Variants in BAZ1A observed in about 807,000 individuals in gnomAD.
The protein encoded by BAZ1A is bromodomain adjacent to zinc finger domain 1A.
Under a neutral mutation model 185.2 loss-of-function variants are expected in BAZ1A, and 50 were observed. The observed-to-expected ratio is 0.27, with a 90% CI of 0.22 to 0.34. The LOEUF is 0.34. Among genes scored for constraint, BAZ1A ranks in the 10% least tolerant of loss-of-function variants. The probability of loss-of-function intolerance (pLI) is 1.00; values close to 1 mark genes in which losing one functional copy is unlikely to be tolerated. For synonymous variants in BAZ1A, 571 were observed against 615.6 expected (o/e 0.93, Z 1.07); for missense variants, 1,356 against 1,839.9 (o/e 0.74, Z 4.81).
At chr14:34,759,215 C>T (rs1242231301) in intron 24 of BAZ1A, among the ~76,000 whole-genome samples, 1 of 98,688 alleles carries the variant, frequency 1.0e-5, no homozygotes, top group Non-Finnish European at 1.8e-5. Flanking sequence ...GAGTCTCGCT[C>T]TGTCACCCAG....
At chr14:34,774,986 G>A (rs1481083309) in intron 18 of BAZ1A, among the ~76,000 whole-genome samples, 6 of 152,126 alleles carry the variant, frequency 3.9e-5, no homozygotes, top group African/African-American at 1.2e-4. Context: ...AGACCAAGGC[G>A]GGTGGATTAC....
At chr14:34,781,777 G>C (rs927449135) in intron 16 of BAZ1A, among the ~76,000 whole-genome samples, 1 of 152,194 alleles carries the variant, frequency 6.6e-6, no homozygotes, top group Non-Finnish European at 1.5e-5. Context: ...GATTACAGGC[G>C]TGAGCCACCG....
At chr14:34,806,286 C>G (rs1435940517) in intron 6 of BAZ1A, among the ~76,000 whole-genome samples, 1 of 152,082 alleles carries the variant, frequency 6.6e-6, no homozygotes, top group Non-Finnish European at 1.5e-5. Flanking sequence ...TCTCTCTAAC[C>G]CATGCTACTG....
At chr14:34,807,400 C>T (rs1312348851) in intron 6 of BAZ1A, 51 bp downstream of exon 6, 7 of 1,309,470 alleles carry the variant, frequency 5.3e-6, no homozygotes, top group South Asian at 1.3e-5. Flanking sequence ...CTTTATAACA[C>T]TACCCATTTT....
At chr14:34,784,824 A>C (rs1880327489) in intron 14 of BAZ1A, among the ~76,000 whole-genome samples, 1 of 150,316 alleles carries the variant, frequency 6.7e-6, no homozygotes, top group Non-Finnish European at 1.5e-5. Flanking sequence ...GGCCAAAAAA[A>C]AATATGGAAC....
rs1242107099 is a variant in BAZ1A, at chr14:34,756,496, CAG to C, written c.4387-1584_4387-1583del. Among the ~76,000 whole-genome samples, 642 of 94,070 alleles carry C rather than the reference CAG, an allele frequency of 6.8e-3. 13 individuals carry two copies. The highest frequency in any genetic ancestry group is 0.026 in the African/African-American group (620 of 23,656). The allele number at this position is 94,070 out of a possible 152,430, so 61.7% of individuals were successfully genotyped here. On this transcript the variant is annotated intron_variant, in intron 25 of 26. Coordinates refer to ENST00000360310, the MANE Select transcript of BAZ1A (RefSeq NM_013448.3). ...TTTTTTTTTTTTTTTTTTTTTGAGA[CAG>C]AGTCTTGCCTAGGCTGGGGTGCAAT...
chr14:34,845,858 T>TC (rs2042502090), intron 3 of BAZ1A, among the ~76,000 whole-genome samples: 1 of 62,742 alleles, frequency 1.6e-5, no homozygotes, highest in African/African-American at 6.3e-5. Context: ...AGACTCTGTC[T>TC]CAAAAAAAAA....
At chr14:34,772,231 G>A (rs1315496957) in intron 20 of BAZ1A, among the ~76,000 whole-genome samples, 1 of 152,100 alleles carries the variant, frequency 6.6e-6, no homozygotes, top group Non-Finnish European at 1.5e-5. Flanking sequence ...TGGGATTACA[G>A]GTGTCAGCCA....
At chr14:34,768,886 ATCC>A (rs1879031535) in intron 21 of BAZ1A, 1 of 252,732 alleles carries the variant, frequency 4.0e-6, no homozygotes, top group South Asian at 4.3e-5. Context: ...CTTAAAAAAC[ATCC>A]TCATGTATCT....
At chr14:34,783,501 A>T (rs1323959285) in intron 15 of BAZ1A, among the ~76,000 whole-genome samples, 1 of 150,802 alleles carries the variant, frequency 6.6e-6, no homozygotes, top group Non-Finnish European at 1.5e-5. Context: ...ACGCCCGGTT[A>T]CTTTTTGTAT....
chr14:34,867,367 G>A (rs2042877675), intron 2 of BAZ1A, among the ~76,000 whole-genome samples: 2 of 152,110 alleles, frequency 1.3e-5, no homozygotes, highest in African/African-American at 2.4e-5. Context: ...CCAAGTAATG[G>A]CTCCTGTTCT....
intron 3 of BAZ1A, among the ~76,000 whole-genome samples, chr14:34,859,954 G>C (rs1419288302): frequency 6.6e-6 from 1 of 152,102 alleles, no homozygotes; most frequent in Non-Finnish European, 1.5e-5. Flanking sequence ...TATAATCTAA[G>C]TGATCATGGG....
intron 9 of BAZ1A, among the ~76,000 whole-genome samples, chr14:34,796,156 A>G (rs564108395): frequency 6.4e-4 from 83 of 128,810 alleles, no homozygotes; most frequent in Admixed American, 1.1e-3. Context: ...AAACACATAT[A>G]CATATACATA....
intron 11 of BAZ1A, among the ~76,000 whole-genome samples, chr14:34,794,256 T>C (rs1339633182): frequency 1.3e-5 from 2 of 152,226 alleles, no homozygotes; most frequent in South Asian, 2.1e-4. Context: ...CCTTATACTA[T>C]ACTCATTATA....
At chr14:34,810,856 G>A in intron 5 of BAZ1A, 79 bp downstream of exon 5, 1 of 993,740 alleles carries the variant, frequency 1.0e-6, no homozygotes. Flanking sequence ...CTTCCCATTT[G>A]TTCTACATCA....
At position 34,783,760 on chromosome 14, in the gene BAZ1A, A is replaced by C; in HGVS notation, c.1997+2T>G. 6.2e-7 allele frequency: 1 copy of C among 1,602,580 alleles called. No individual in the cohort carries two copies. Among genetic ancestry groups the C allele is most frequent in the Non-Finnish European group, 8.5e-7 (1 of 1,176,886 alleles). ...AACACAACTATTACAATTATCTCTT[A>C]CCTGGCAGCTGCTTCTTCCCTCTCT... On this transcript the variant is annotated splice_donor_variant, in intron 15 of 26. Transcript: ENST00000360310. LOFTEE classifies it high-confidence loss of function.
At chr14:34,814,836 C>T (rs1009263000) in intron 4 of BAZ1A, among the ~76,000 whole-genome samples, 19 of 150,722 alleles carry the variant, frequency 1.3e-4, no homozygotes, top group African/African-American at 2.7e-4. Flanking sequence ...TGCAATGGTG[C>T]GGTCTCGGCT....
chr14:34,758,393 A>G (rs1594805978), intron 25 of BAZ1A, among the ~76,000 whole-genome samples: 1 of 152,138 alleles, frequency 6.6e-6, no homozygotes, highest in Non-Finnish European at 1.5e-5. Context: ...CAGCCTGACC[A>G]ACATGTTGAA....
chr14:34,785,920 T>C lies in BAZ1A; in HGVS notation c.1688A>G (p.Asp563Gly). 6.2e-7 allele frequency: 1 copy of C among 1,614,128 alleles called. No individual in the cohort carries two copies. Among genetic ancestry groups the C allele is most frequent in the Non-Finnish European group, 8.5e-7 (1 of 1,180,022 alleles). ...ATACTTTGCATTTGCTGATGTTACATCAGCACCTGAAGCTAAGATGTGCAG... is the reference window on the plus strand; with the variant it reads ...ATACTTTGCATTTGCTGATGTTACACCAGCACCTGAAGCTAAGATGTGCAG... ...LRLHILASGA[D>G]VTSANAKYRY... The change falls in exon 14 of 27, where the codon GAT becomes GGT. Residue 563 changes from aspartate (D) to glycine (G), a missense_variant. Asp to Gly is a moderately conservative substitution (Grantham distance 94, BLOSUM62 -1). This residue lies in a region of BAZ1A where 184 missense variants were observed against 355.1 expected (regional missense o/e 0.52). Coordinates refer to ENST00000360310, the MANE Select transcript of BAZ1A (RefSeq NM_013448.3).
Sources: gnomAD v4.1 joint callset for allele counts (sites outside exome capture counted in the v4.1 genomes callset) on GRCh38, gnomAD v4.1.1 for gene constraint, gnomAD v4.1.1 regional missense constraint, MANE v1.5 for transcripts, NCBI Gene and HGNC (gene_info 2026-07-23, HGNC 2026-07-21) for gene names.